PRIMPOL: variants seen among roughly 807,000 people sequenced by gnomAD.
PRIMPOL encodes DNA-directed primase/polymerase protein.
PRIMPOL carries 54 observed loss-of-function variants against 63.6 expected under a neutral mutation model. The ratio of observed to expected loss-of-function variants is 0.85; its 90% confidence interval spans 0.68 to 1.07. PRIMPOL has a LOEUF of 1.07. Among genes scored for constraint, PRIMPOL ranks in the 50% least tolerant of loss-of-function variants. The pLI is 0.00. For missense variants in PRIMPOL, 610 were observed against 648.3 expected (o/e 0.94, Z 0.64); for synonymous variants, 197 against 220.2 (o/e 0.89, Z 0.93).
At chr4:184,662,043 T>A in intron 5 of PRIMPOL, 140 bp downstream of exon 5, 3 of 678,522 alleles carry the variant, frequency 4.4e-6, no homozygotes, top group South Asian at 7.5e-5. Flanking sequence ...TAGGATTTTT[T>A]AATATTACTT....
At chr4:184,672,990 G>A (rs1207739345) in intron 7 of PRIMPOL, among the ~76,000 whole-genome samples, 1 of 152,034 alleles carries the variant, frequency 6.6e-6, no homozygotes, top group East Asian at 1.9e-4. Flanking sequence ...GAAGCCCTGG[G>A]CTGACAGGAC....
chr4:184,660,979 T>C (rs1323450309), intron 4 of PRIMPOL, among the ~76,000 whole-genome samples: 1 of 152,200 alleles, frequency 6.6e-6, no homozygotes, highest in Non-Finnish European at 1.5e-5. Flanking sequence ...AACATGAGCG[T>C]TGGGAGCTTA....
At chr4:184,684,493 C>A (rs1441399594) in intron 9 of PRIMPOL, among the ~76,000 whole-genome samples, 1 of 151,972 alleles carries the variant, frequency 6.6e-6, no homozygotes, top group East Asian at 1.9e-4. Flanking sequence ...TAAAATAGGT[C>A]ATTCTAAATT....
At chr4:184,662,036 G>C (rs986876776) in intron 5 of PRIMPOL, 133 bp downstream of exon 5, 81 of 723,650 alleles carry the variant, frequency 1.1e-4, no homozygotes, top group African/African-American at 1.1e-3. Context: ...TTGACTTTAG[G>C]ATTTTTTAAT....
At chr4:184,686,254 G>C (rs1306933133) in intron 11 of PRIMPOL, among the ~76,000 whole-genome samples, 1 of 152,238 alleles carries the variant, frequency 6.6e-6, no homozygotes. Context: ...CAAAGGTGGG[G>C]TTGAGCAGGG....
intron 13 of PRIMPOL, 107 bp from the exon 14 acceptor site, chr4:184,694,415 A>ATCTG (rs1429964995): frequency 6.9e-7 from 1 of 1,457,214 alleles, no homozygotes; most frequent in Non-Finnish European, 9.1e-7. Context: ...TCACTTTAGT[A>ATCTG]TCTGTCACTT....
intron 4 of PRIMPOL, among the ~76,000 whole-genome samples, chr4:184,660,242 G>C (rs10030993): frequency 0.043 from 6,445 of 151,038 alleles, 450 homozygotes; most frequent in African/African-American, 0.15. Flanking sequence ...CTGGAGTACA[G>C]TGGCACAATC....
chr4:184,654,018 C>G (rs896646668), intron 2 of PRIMPOL, among the ~76,000 whole-genome samples: 6 of 152,232 alleles, frequency 3.9e-5, no homozygotes, highest in African/African-American at 1.4e-4. Flanking sequence ...ATATACTGAA[C>G]TTCTCTTTCT....
chr4:184,681,006 C>G (rs557602180), intron 8 of PRIMPOL, among the ~76,000 whole-genome samples: 1 of 152,160 alleles, frequency 6.6e-6, no homozygotes, highest in African/African-American at 2.4e-5. Context: ...AACTACAGCC[C>G]GAAGTGCAGG....
At chr4:184,654,673 C>T (rs1283429556) in intron 2 of PRIMPOL, among the ~76,000 whole-genome samples, 1 of 151,970 alleles carries the variant, frequency 6.6e-6, no homozygotes, top group African/African-American at 2.4e-5. Context: ...AGGATGGTCT[C>T]GATCTCCTGA....
intron 2 of PRIMPOL, among the ~76,000 whole-genome samples, chr4:184,655,496 A>G (rs1746135216): frequency 1.3e-5 from 2 of 149,708 alleles, no homozygotes; most frequent in African/African-American, 2.5e-5. Context: ...TAATTTTTGT[A>G]TTTTTAGTAG....
intron 9 of PRIMPOL, among the ~76,000 whole-genome samples, chr4:184,684,150 C>G (rs1756378174): frequency 6.6e-6 from 1 of 152,052 alleles, no homozygotes; most frequent in Non-Finnish European, 1.5e-5. Flanking sequence ...AAACTAGATT[C>G]TTGTCCTTAA....
intron 11 of PRIMPOL, among the ~76,000 whole-genome samples, chr4:184,686,036 G>A (rs1371582009): frequency 6.6e-6 from 1 of 152,170 alleles, no homozygotes. Flanking sequence ...TCCTGACCTT[G>A]TGATCCACCC....
Position 184,672,286 on chromosome 4 carries a change from G to A in PRIMPOL, c.670G>A (p.Ala224Thr). Residue 224 changes from alanine to threonine, a missense_variant, in exon 7 of 14, where the codon GCA (alanine) becomes ACA (threonine). By Grantham distance (58) the Ala-to-Thr change is moderately conservative (BLOSUM62 0). Coordinates refer to ENST00000314970, the MANE Select transcript of PRIMPOL (RefSeq NM_152683.4). ...HGFPHFSEAP[A>T]RQGFSFNKMF... ...ATTTCCCCATTTTTCAGAAGCACCT[G>A]CAAGACAAGGATTTTCTTTCAATAA... 6.2e-7 allele frequency: 1 copy of A among 1,614,116 alleles called. No homozygotes were observed. Among genetic ancestry groups the A allele is most frequent in the Non-Finnish European group, 8.5e-7 (1 of 1,180,028 alleles).
At chr4:184,667,887 G>A (rs140402989) in intron 6 of PRIMPOL, among the ~76,000 whole-genome samples, 13 of 152,088 alleles carry the variant, frequency 8.5e-5, no homozygotes, top group Admixed American at 7.9e-4. Context: ...TCTACATTCT[G>A]TTCACTTATT....
chr4:184,665,051 TA>T (rs978218065), intron 5 of PRIMPOL, among the ~76,000 whole-genome samples: 1 of 152,218 alleles, frequency 6.6e-6, no homozygotes, highest in Non-Finnish European at 1.5e-5. Flanking sequence ...CGGCAGTTCA[TA>T]AACATTTTTG....
intron 11 of PRIMPOL, among the ~76,000 whole-genome samples, chr4:184,691,188 G>A (rs1758426693): frequency 6.7e-6 from 1 of 149,818 alleles, no homozygotes; most frequent in Non-Finnish European, 1.5e-5. Flanking sequence ...TGGTAGATTT[G>A]TTTATCATTG....
chr4:184,682,262 T>C lies in PRIMPOL; in HGVS notation c.1022T>C (p.Leu341Ser). ...TTCTTCTTCAGGTTCTCAGATACTTTACGAATTCTTACATGTGAGCCATCT... is the reference window on the plus strand; with the variant it reads ...TTCTTCTTCAGGTTCTCAGATACTTCACGAATTCTTACATGTGAGCCATCT... ...LVSNVRFSDT[L>S]RILTCEPSQN... The change falls in exon 9 of 14, where the codon TTA becomes TCA. Residue 341 changes from leucine (L) to serine (S), a missense_variant. Transcript: ENST00000314970. 1 of 1,590,848 alleles carries C rather than the reference T, an allele frequency of 6.3e-7. No homozygotes were observed. The highest frequency in any genetic ancestry group is 2.2e-5 in the East Asian group (1 of 44,702).
chr4:184,686,926 G>T (rs1448793099), intron 11 of PRIMPOL, among the ~76,000 whole-genome samples: 1 of 152,126 alleles, frequency 6.6e-6, no homozygotes, highest in African/African-American at 2.4e-5. Context: ...ATCAGTTGAC[G>T]TTTCTTCTGT....
Sources: allele counts gnomAD v4.1 joint callset (sites outside exome capture counted in the v4.1 genomes callset), GRCh38; gene constraint gnomAD v4.1.1; transcripts MANE v1.5; gene names NCBI Gene and HGNC (gene_info 2026-07-23, HGNC 2026-07-21).